NRG3: variants seen among roughly 807,000 people sequenced by gnomAD.
The protein encoded by NRG3 is pro-neuregulin-3, membrane-bound isoform.
Under a neutral mutation model 66.9 loss-of-function variants are expected in NRG3, and 31 were observed. The observed-to-expected ratio is 0.46, with a 90% CI of 0.35 to 0.63. The LOEUF (loss-of-function observed/expected upper bound fraction) is 0.63. NRG3 is among the 20% of genes least tolerant of loss of function. The pLI is 0.00. For synonymous variants in NRG3, 393 were observed against 359.4 expected (o/e 1.09, Z -1.06); for missense variants, 910 against 878.9 (o/e 1.04, Z -0.45).
chr10:82,334,797 T>C (rs2082307315), intron 1 of NRG3, among the ~76,000 whole-genome samples: 1 of 152,212 alleles, frequency 6.6e-6, no homozygotes, highest in African/African-American at 2.4e-5. Flanking sequence ...TGGAATAATA[T>C]GCAGTTCTTC....
At position 82,319,885 on chromosome 10, in the gene NRG3, C is replaced by T. The variant is rs183349746; in HGVS notation, c.824-38854C>T. On this transcript the variant is annotated intron_variant, in intron 1 of 8. Transcript: ENST00000372141. ...AATTGCCTCAGAAAGAATTTGGTTT[C>T]TTGGCTGCATCTTCAAGTCATGGTC... Among the ~76,000 whole-genome samples the T allele has an allele frequency of 2.4e-3, 371 of 152,292 alleles. 3 individuals are homozygous for T. The highest frequency in any genetic ancestry group is 1.1e-3 in the Non-Finnish European group (72 of 68,032).
chr10:82,357,662 TG>T (rs1415521973), intron 1 of NRG3, among the ~76,000 whole-genome samples: 2 of 152,090 alleles, frequency 1.3e-5, no homozygotes, highest in Non-Finnish European at 1.5e-5. Flanking sequence ...AGTTCCATCA[TG>T]GGGGCCTCAC....
intron 3 of NRG3, among the ~76,000 whole-genome samples, chr10:82,757,235 A>G (rs1283952536): frequency 1.3e-5 from 2 of 152,114 alleles, no homozygotes; most frequent in African/African-American, 4.8e-5. Flanking sequence ...AGATACTTCA[A>G]TCTTTCTATG....
chr10:82,780,480 C>CTTTTTTTTT (rs150086019), intron 3 of NRG3, among the ~76,000 whole-genome samples: 6 of 106,102 alleles, frequency 5.7e-5, no homozygotes, highest in African/African-American at 1.8e-4. Context: ...TTTTTCTTTT[C>CTTTTTTTTT]TTTTTTTTTT....
intron 4 of NRG3, among the ~76,000 whole-genome samples, chr10:82,913,235 G>GA (rs1221442653): frequency 6.6e-6 from 1 of 151,758 alleles, no homozygotes; most frequent in South Asian, 2.1e-4. Context: ...TTTAAAAAAA[G>GA]AAAAAAAGTA....
At chr10:81,984,521 A>G (rs1480334536) in intron 1 of NRG3, among the ~76,000 whole-genome samples, 1 of 152,224 alleles carries the variant, frequency 6.6e-6, no homozygotes, top group African/African-American at 2.4e-5. Flanking sequence ...GATTGTTTCC[A>G]AAATTTTCTC....
intron 1 of NRG3, among the ~76,000 whole-genome samples, chr10:82,033,546 A>G (rs2132913423): frequency 6.6e-6 from 1 of 152,246 alleles, no homozygotes; most frequent in Non-Finnish European, 1.5e-5. Context: ...TAAGACCAGA[A>G]CTATACCTTT....
intron 1 of NRG3, among the ~76,000 whole-genome samples, chr10:82,199,404 A>G (rs1028896795): frequency 6.6e-6 from 1 of 152,112 alleles, no homozygotes; most frequent in African/African-American, 2.4e-5. Flanking sequence ...GCTTAGTTCA[A>G]ACATGTTCTG....
At chr10:82,584,253 AT>A (rs1357058971) in intron 2 of NRG3, among the ~76,000 whole-genome samples, 1 of 151,794 alleles carries the variant, frequency 6.6e-6, no homozygotes. Flanking sequence ...CACCCCACCA[AT>A]TTTGTATTTT....
intron 1 of NRG3, among the ~76,000 whole-genome samples, chr10:82,250,457 G>A (rs1176192918): frequency 6.6e-6 from 1 of 151,934 alleles, no homozygotes; most frequent in African/African-American, 2.4e-5. Context: ...ATGGTGGCAG[G>A]CACCTGTAAT....
At chr10:82,425,018 C>G (rs895364390) in intron 2 of NRG3, among the ~76,000 whole-genome samples, 1 of 151,934 alleles carries the variant, frequency 6.6e-6, no homozygotes, top group African/African-American at 2.4e-5. Flanking sequence ...ATACAAATTC[C>G]ATAGGTCTTG....
chr10:82,453,947 C>T (rs1397150943), intron 2 of NRG3, among the ~76,000 whole-genome samples: 4 of 152,148 alleles, frequency 2.6e-5, no homozygotes, highest in Non-Finnish European at 5.9e-5. Context: ...TAAAGTTCCA[C>T]AGTGAGATAG....
intron 1 of NRG3, among the ~76,000 whole-genome samples, chr10:82,173,423 A>G (rs1347316730): frequency 1.3e-5 from 2 of 151,898 alleles, no homozygotes; most frequent in Admixed American, 1.3e-4. Flanking sequence ...ATATAAACAG[A>G]TAGAAGCCTG....
intron 1 of NRG3, among the ~76,000 whole-genome samples, chr10:82,330,786 C>G (rs534663878): frequency 2.0e-5 from 3 of 152,266 alleles, no homozygotes; most frequent in Admixed American, 6.5e-5. Flanking sequence ...ATAATATACA[C>G]TGAGGTTCTT....
chr10:82,663,390 G>A (rs1157866217), intron 2 of NRG3, among the ~76,000 whole-genome samples: 5 of 152,214 alleles, frequency 3.3e-5, no homozygotes, highest in Admixed American at 3.3e-4. Context: ...ACCAGGGTGT[G>A]CAGAGAATGT....
Position 82,627,463 on chromosome 10 carries a change from G to A in NRG3, c.954-111114G>A, listed in dbSNP as rs145060523. On this transcript the variant is annotated intron_variant, in intron 2 of 8. Coordinates refer to ENST00000372141, the MANE Select transcript of NRG3 (RefSeq NM_001010848.4). Reference sequence around the variant, plus strand: ...AAAAATCACATCAGCTTATATTTTTGCTGTAGAAAAAAATAAATAAAACAA... The same window carrying A: ...AAAAATCACATCAGCTTATATTTTTACTGTAGAAAAAAATAAATAAAACAA... Among the ~76,000 whole-genome samples, 1,381 of 151,970 alleles carry A rather than the reference G, an allele frequency of 9.1e-3. 23 individuals carry two copies. Among genetic ancestry groups the A allele is most frequent in the African/African-American group, 0.03 (1,263 of 41,440 alleles).
intron 2 of NRG3, among the ~76,000 whole-genome samples, chr10:82,669,342 CT>C (rs2134022146): frequency 6.6e-6 from 1 of 151,498 alleles, no homozygotes; most frequent in East Asian, 1.9e-4. Context: ...AGTCCCAGTA[CT>C]AAGGTGCTTT....
At chr10:82,103,619 T>C (rs1009366290) in intron 1 of NRG3, among the ~76,000 whole-genome samples, 2 of 152,186 alleles carry the variant, frequency 1.3e-5, no homozygotes, top group Non-Finnish European at 2.9e-5. Flanking sequence ...GTCTATTACA[T>C]GCGTGTTCTA....
chr10:82,687,923 A>G (rs2054633746), intron 2 of NRG3, among the ~76,000 whole-genome samples: 1 of 152,124 alleles, frequency 6.6e-6, no homozygotes, highest in Non-Finnish European at 1.5e-5. Flanking sequence ...CTGCCATTCT[A>G]GACATTGCAG....
Sources: allele counts gnomAD v4.1 joint callset (sites outside exome capture counted in the v4.1 genomes callset), GRCh38; gene constraint gnomAD v4.1.1; transcripts MANE v1.5; gene names NCBI Gene and HGNC (gene_info 2026-07-23, HGNC 2026-07-21).